The following TMC2 variants were observed in gnomAD, a reference collection of about 807,000 sequenced individuals.
TMC2 encodes transmembrane channel-like protein 2.
TMC2 carries 102 observed loss-of-function variants against 105.9 expected under a neutral mutation model. That is an observed-to-expected ratio of 0.96 (90% CI 0.82 to 1.14). The LOEUF (loss-of-function observed/expected upper bound fraction) is 1.14, where lower values mean the gene tolerates loss of function less well. TMC2 is among the 50% of genes most tolerant of loss of function. The probability of loss-of-function intolerance (pLI) is 0.00; values close to 1 mark genes in which losing one functional copy is unlikely to be tolerated. For synonymous variants in TMC2, 402 were observed against 422.8 expected (o/e 0.95, Z 0.60); for missense variants, 1,093 against 1,134.3 (o/e 0.96, Z 0.52).
chr20:2,600,111 A>G (rs1382741335), intron 10 of TMC2, among the ~76,000 whole-genome samples: 1 of 152,178 alleles, frequency 6.6e-6, no homozygotes, highest in Non-Finnish European at 1.5e-5. Context: ...GGGGGCTTTG[A>G]CTTTTCCTCC....
At chr20:2,615,588 G>C (rs1161646507) in intron 14 of TMC2, among the ~76,000 whole-genome samples, 4 of 152,200 alleles carry the variant, frequency 2.6e-5, no homozygotes, top group Non-Finnish European at 5.9e-5. Context: ...AAATGAGGTA[G>C]GCTGAAAATA....
At chr20:2,629,573 T>C (rs2086589052) in intron 17 of TMC2, among the ~76,000 whole-genome samples, 1 of 148,372 alleles carries the variant, frequency 6.7e-6, no homozygotes, top group Non-Finnish European at 1.5e-5. Context: ...GGTGGTGAAT[T>C]TAGGGCCATT....
At chr20:2,600,853 G>C (rs563555444) in intron 10 of TMC2, among the ~76,000 whole-genome samples, 9 of 151,442 alleles carry the variant, frequency 5.9e-5, no homozygotes, top group Admixed American at 1.3e-4. Context: ...CGGGTGTGGT[G>C]GTGGGCACCT....
At chr20:2,549,198 G>A (rs1260431404) in intron 2 of TMC2, among the ~76,000 whole-genome samples, 2 of 152,034 alleles carry the variant, frequency 1.3e-5, no homozygotes, top group Non-Finnish European at 2.9e-5. Context: ...TAGTACTATC[G>A]GCACTTACCA....
chr20:2,565,397 G>A (rs569513793), intron 4 of TMC2, among the ~76,000 whole-genome samples: 1 of 152,274 alleles, frequency 6.6e-6, no homozygotes, highest in East Asian at 1.9e-4. Context: ...AGCCTGCACT[G>A]TTTTTTTGTT....
intron 4 of TMC2, among the ~76,000 whole-genome samples, chr20:2,562,426 C>T (rs572435266): frequency 6.6e-6 from 1 of 152,384 alleles, no homozygotes; most frequent in Admixed American, 6.5e-5. Context: ...TACACACTCT[C>T]GCTTGCGTGA....
rs1437514321 is a variant in TMC2 at position 2,558,101 on chromosome 20, G to A, written c.83-355G>A. 7.3e-6 allele frequency: 2 copies of A among 274,190 alleles called. No homozygotes were observed. The highest frequency in any genetic ancestry group is 1.4e-5 in the Non-Finnish European group (2 of 143,730). The allele number at this position is 274,190 out of a possible 1,614,324, so 17.0% of individuals were successfully genotyped here. A position where few individuals can be genotyped will look rare whatever the true frequency, so the allele number is the denominator to read the frequency against. On this transcript the variant is annotated intron_variant, in intron 2 of 19. Transcript: ENST00000358864. This position sits in a 1 kb window ranked among gnomAD's most constrained non-coding sequence, Gnocchi z 4.6. ...GGAGGACAAAAGGGTATGATGTCAT[G>A]GTAATCAACCAGGGGGAAGTAGCAA...
At position 2,592,260 on chromosome 20, in the gene TMC2, G is replaced by A. The variant is rs2046262553; in HGVS notation, c.835-50G>A. On this transcript the variant is annotated intron_variant, in intron 7 of 19. Coordinates refer to ENST00000358864, the MANE Select transcript of TMC2 (RefSeq NM_080751.3). The surrounding 1 kb of genome is among the most constrained non-coding windows in gnomAD (Gnocchi z 4.9). ...TACCCCAGTATATGAATGTCTCTGT[G>A]TGTTTGTATTTCCTCCACTCATACT... is the stretch of plus-strand genomic sequence containing the variant. The A allele has an allele frequency of 7.5e-6, 9 of 1,201,492 alleles. No individual in the cohort carries two copies. The highest frequency in any genetic ancestry group is 1.5e-5 in the African/African-American group (1 of 67,344). The allele number at this position is 1,201,492 out of a possible 1,614,324, so 74.4% of individuals were successfully genotyped here.
chr20:2,584,398 C>G (rs1212844093), intron 7 of TMC2, among the ~76,000 whole-genome samples: 4 of 144,298 alleles, frequency 2.8e-5, no homozygotes, highest in Non-Finnish European at 6.0e-5. Context: ...GAGCCGAGAT[C>G]CCGCCACTGC....
intron 5 of TMC2, among the ~76,000 whole-genome samples, chr20:2,573,769 C>G (rs573597024): frequency 2.0e-5 from 3 of 150,740 alleles, no homozygotes; most frequent in Non-Finnish European, 4.4e-5. Context: ...ACCGTGTTAG[C>G]CAGGATGGTC....
chr20:2,579,162 A>T lies in TMC2; in HGVS notation c.662A>T (p.Lys221Met). The T allele has an allele frequency of 6.3e-7, 1 of 1,589,790 alleles. No individual in the cohort carries two copies. The highest frequency in any genetic ancestry group is 8.6e-7 in the Non-Finnish European group (1 of 1,158,212). The change falls in exon 6 of 20, where the codon AAG becomes ATG. Residue 221 changes from lysine (K) to methionine (M), a missense_variant. Physicochemically the swap from Lys to Met is moderately conservative, Grantham distance 95 (BLOSUM62 -1). Transcript: ENST00000358864. Reference sequence around the variant, plus strand: ...TTATTTCAGAAATGGGTCAAATTTAAGAGAGACTTTGATAATTTCAAGACT... The same window carrying T: ...TTATTTCAGAAATGGGTCAAATTTATGAGAGACTTTGATAATTTCAAGACT... The part of the protein sequence containing the change: ...MLMAKKWVKF[K>M]RDFDNFKTQC...
rs768161703 is a variant in TMC2 at position 2,597,180 on chromosome 20, G to A, written c.1106G>A (p.Gly369Asp). Residue 369 changes from glycine (G) to aspartate (D), a missense_variant, in exon 10 of 20, where the codon GGC becomes GAC. Gly to Asp is a moderately conservative substitution (Grantham distance 94, BLOSUM62 -1). Transcript: ENST00000358864. ...GCCAGCAATACCCAAGGAAGCACAG[G>A]CGAAGGGGAGAGTGACAACTTCACA... ...SMASNTQGST[G>D]EGESDNFTFS... 4 of 1,614,152 alleles carry A rather than the reference G, an allele frequency of 2.5e-6. No homozygotes were observed. The highest frequency in any genetic ancestry group is 1.7e-5 in the Admixed American group (1 of 60,022).
intron 2 of TMC2, among the ~76,000 whole-genome samples, chr20:2,545,894 AAG>A (rs1265488252): frequency 8.1e-6 from 1 of 122,990 alleles, no homozygotes; most frequent in Admixed American, 9.1e-5. Flanking sequence ...AAAGAAATGA[AAG>A]AAAGAAAGAA....
chr20:2,555,551 A>G (rs754111986), intron 2 of TMC2, among the ~76,000 whole-genome samples: 2 of 152,110 alleles, frequency 1.3e-5, no homozygotes, highest in Non-Finnish European at 2.9e-5. Flanking sequence ...ATTCTTATAG[A>G]CAGCATATAC....
rs146629390 is a variant in TMC2 at position 2,635,970 on chromosome 20, G to A, written c.2351G>A (p.Arg784Gln). The A allele has an allele frequency of 1.5e-5, 25 of 1,613,970 alleles. No individual in the cohort carries two copies. The highest frequency in any genetic ancestry group is 2.2e-5 in the East Asian group (1 of 44,900). The change falls in exon 18 of 20, where the codon CGA (arginine) becomes CAA (glutamine). Residue 784 changes from arginine (R) to glutamine (Q), a missense_variant. Physicochemically the swap from Arg to Gln is conservative, Grantham distance 43. Transcript: ENST00000358864. ...AACTCAGTTTCCAAAAGCCTTTCCC[G>A]AGCTAATGCCCAGCTGAGGAAGAAA... ...YLNSVSKSLS[R>Q]ANAQLRKKIQ... is the part of the protein sequence containing the mutation.
intron 7 of TMC2, 79 bp downstream of exon 7, chr20:2,580,135 C>G: frequency 1.2e-6 from 1 of 811,674 alleles, no homozygotes; most frequent in South Asian, 1.8e-5. Context: ...CAAATACTTC[C>G]TGTTTTACAA....
chr20:2,560,213 C>T (rs1282828035), intron 3 of TMC2, among the ~76,000 whole-genome samples: 1 of 151,898 alleles, frequency 6.6e-6, no homozygotes, highest in Admixed American at 6.6e-5. Flanking sequence ...TGGGAACACC[C>T]TACGCAGAGA....
At chr20:2,619,999 A>G (rs1458700048) in intron 16 of TMC2, among the ~76,000 whole-genome samples, 7 of 152,110 alleles carry the variant, frequency 4.6e-5, no homozygotes, top group Non-Finnish European at 8.8e-5. Context: ...GGATTGCTTG[A>G]TCCCAGGAGG....
intron 10 of TMC2, among the ~76,000 whole-genome samples, chr20:2,600,534 C>CGGGTGTGGCT (rs886689857): frequency 1.3e-5 from 2 of 151,898 alleles, no homozygotes; most frequent in Non-Finnish European, 2.9e-5. Flanking sequence ...AAAAATTAGC[C>CGGGTGTGGCT]GGGTGTGGCT....
Sources: allele counts gnomAD v4.1 joint callset (sites outside exome capture counted in the v4.1 genomes callset), GRCh38; gene constraint gnomAD v4.1.1; non-coding constraint Gnocchi (gnomAD v3.1); transcripts MANE v1.5; gene names NCBI Gene and HGNC (gene_info 2026-07-23, HGNC 2026-07-21).